SERP2: variants seen among roughly 807,000 people sequenced by gnomAD.
SERP2 encodes the protein stress-associated endoplasmic reticulum protein 2.
A neutral mutation model predicts 9.1 loss-of-function variants in SERP2; 6 were observed. The observed-to-expected ratio is 0.66, with a 90% CI of 0.36 to 1.30. The LOEUF (loss-of-function observed/expected upper bound fraction) is 1.30, where lower values mean the gene tolerates loss of function less well. Among genes scored for constraint, SERP2 ranks in the 50% most tolerant of loss-of-function variants. The pLI is 0.03. For synonymous variants in SERP2, 37 were observed against 27.3 expected, an observed-to-expected ratio of 1.35 and a Z score of -1.10; for missense variants, 58 against 81.9, an observed-to-expected ratio of 0.71 and a Z score of 1.13.
rs186204240 is a variant in SERP2 at position 44,391,413 on chromosome 13, A to G, written c.158-5859A>G. Among the ~76,000 whole-genome samples the G allele has an allele frequency of 8.5e-5, 13 of 152,320 alleles. No individual in the cohort carries two copies. The East Asian group carries it at 1.7e-3, about 20-fold the overall frequency. The stretch of plus-strand genomic sequence containing the variant: ...CAATCGTTCACTTTTCAGTAATTCA[A>G]TAATATTTACAGAGGACCTACTTTG... On this transcript the variant is annotated intron_variant, in intron 2 of 2. Coordinates refer to ENST00000379179, the MANE Select transcript of SERP2 (RefSeq NM_001010897.3).
intron 1 of SERP2, among the ~76,000 whole-genome samples, chr13:44,377,986 T>C (rs529053115): frequency 6.6e-6 from 1 of 152,322 alleles, no homozygotes; most frequent in African/African-American, 2.4e-5. Context: ...CAAGAATAAA[T>C]ATAGACCTAC....
chr13:44,385,499 T>C (rs912590), intron 2 of SERP2, among the ~76,000 whole-genome samples: 150,415 of 152,364 alleles, frequency 0.99, 74,268 homozygotes, highest in Non-Finnish European at 1. Context: ...TAATACATTG[T>C]CCTGGTGAGA....
At chr13:44,393,485 T>G (rs913135250) in intron 2 of SERP2, among the ~76,000 whole-genome samples, 28 of 152,264 alleles carry the variant, frequency 1.8e-4, no homozygotes, top group Admixed American at 1.0e-3. Flanking sequence ...GCTCCTGCTC[T>G]CCCCTGGACT....
At chr13:44,387,684 C>A (rs1872396153) in intron 2 of SERP2, among the ~76,000 whole-genome samples, 2 of 152,318 alleles carry the variant, frequency 1.3e-5, no homozygotes, top group South Asian at 4.1e-4. Context: ...TGAGATGCCA[C>A]TCTTTGCAAT....
intron 2 of SERP2, among the ~76,000 whole-genome samples, chr13:44,388,744 T>C (rs1224792465): frequency 6.6e-6 from 1 of 152,176 alleles, no homozygotes; most frequent in Non-Finnish European, 1.5e-5. Context: ...AGAACAGATG[T>C]GAAGAAGTGA....
chr13:44,374,219 C>T, intron 1 of SERP2, 110 bp downstream of exon 1: 1 of 705,866 alleles, frequency 1.4e-6, no homozygotes, highest in Non-Finnish European at 2.1e-6. Context: ...CCTCCCGGCT[C>T]CCGGCCCGCC....
chr13:44,373,747 G>A (rs541058939), upstream of SERP2: 3 of 398,626 alleles, frequency 7.5e-6, no homozygotes, highest in East Asian at 9.8e-5. This position sits in a 1 kb window ranked among gnomAD's most constrained non-coding sequence, Gnocchi z 4.8. Context: ...CTGCCTCGGT[G>A]GCCGCGCGGG....
At chr13:44,387,621 T>C (rs1404984337) in intron 2 of SERP2, among the ~76,000 whole-genome samples, 1 of 152,214 alleles carries the variant, frequency 6.6e-6, no homozygotes, top group African/African-American at 2.4e-5. Context: ...CAGTATTATT[T>C]ACCTTTTCTG....
At chr13:44,394,398 C>T (rs1302872379) in intron 2 of SERP2, among the ~76,000 whole-genome samples, 1 of 152,222 alleles carries the variant, frequency 6.6e-6, no homozygotes, top group African/African-American at 2.4e-5. Flanking sequence ...GCTGAGATTA[C>T]AGGCATGAGC....
At chr13:44,396,024 G>A (rs1176122157) in intron 2 of SERP2, 2 of 273,436 alleles carry the variant, frequency 7.3e-6, no homozygotes, top group Non-Finnish European at 1.5e-5. Flanking sequence ...TCATTATGGT[G>A]ACACTGAACA....
chr13:44,386,510 A>C (rs181253520), intron 2 of SERP2, among the ~76,000 whole-genome samples: 1 of 152,238 alleles, frequency 6.6e-6, no homozygotes, highest in African/African-American at 2.4e-5. Context: ...CAGCTTCCCA[A>C]GTAGCTGGGA....
At chr13:44,394,782 G>A (rs538140171) in intron 2 of SERP2, among the ~76,000 whole-genome samples, 1 of 152,286 alleles carries the variant, frequency 6.6e-6, no homozygotes, top group South Asian at 2.1e-4. Flanking sequence ...GCTAAGCACT[G>A]GTCTGCATGC....
chr13:44,392,339 A>T (rs1392846222), intron 2 of SERP2, among the ~76,000 whole-genome samples: 2 of 152,024 alleles, frequency 1.3e-5, no homozygotes, highest in Non-Finnish European at 2.9e-5. Context: ...GCAGGTCATG[A>T]AGGCCTCATC....
chr13:44,390,255 T>C (rs1019824090), intron 2 of SERP2: 4 of 340,366 alleles, frequency 1.2e-5, no homozygotes, highest in Admixed American at 6.7e-5. Context: ...GGAGAAAGAC[T>C]TGACCCAGCC....
chr13:44,391,846 T>G (rs116393725), intron 2 of SERP2, among the ~76,000 whole-genome samples: 61 of 152,090 alleles, frequency 4.0e-4, no homozygotes, highest in African/African-American at 1.4e-3. Flanking sequence ...ACATTAAATT[T>G]TGGTTGATGA....
chr13:44,397,495 TGCA>T lies in SERP2; in HGVS notation c.*184_*186del. ...ATTGCCTTCTCACAGGACATCTTGG[TGCA>T]TCCGCGTTCTCAAGCGGAAAGGACA... On this transcript the variant is annotated 3_prime_UTR_variant, in exon 3 of 3. Transcript: ENST00000379179. The T allele has an allele frequency of 1.6e-6, 1 of 607,768 alleles. No individual in the cohort carries two copies. The highest frequency in any genetic ancestry group is 2.8e-5 in the East Asian group (1 of 35,864). The allele number at this position is 607,768 out of a possible 1,614,324, so 37.6% of individuals were successfully genotyped here.
At chr13:44,383,058 G>A (rs1012161155) in intron 2 of SERP2, among the ~76,000 whole-genome samples, 1 of 152,132 alleles carries the variant, frequency 6.6e-6, no homozygotes, top group Non-Finnish European at 1.5e-5. Flanking sequence ...TTCTGCATGG[G>A]AACACTATGT....
chr13:44,395,401 G>A (rs1399659744), intron 2 of SERP2, among the ~76,000 whole-genome samples: 6 of 151,682 alleles, frequency 4.0e-5, no homozygotes, highest in African/African-American at 9.7e-5. Context: ...TCAGGAGATC[G>A]AGACCATTCT....
chr13:44,393,873 AAC>A (rs1307737713), intron 2 of SERP2, among the ~76,000 whole-genome samples: 3 of 152,210 alleles, frequency 2.0e-5, no homozygotes, highest in African/African-American at 7.2e-5. Context: ...AGAAATAATA[AAC>A]ACAGTCATCT....
Sources: allele counts gnomAD v4.1 joint callset (sites outside exome capture counted in the v4.1 genomes callset), GRCh38; gene constraint gnomAD v4.1.1; non-coding constraint Gnocchi (gnomAD v3.1); transcripts MANE v1.5; gene names NCBI Gene and HGNC (gene_info 2026-07-23, HGNC 2026-07-21).